The following CTNNA2 variants were observed in gnomAD, a reference collection of about 807,000 sequenced individuals.
CTNNA2 encodes the protein catenin alpha 2.
Under a neutral mutation model 101.0 loss-of-function variants are expected in CTNNA2, and 42 were observed. That is an observed-to-expected ratio of 0.42 (90% confidence interval 0.32 to 0.54). The LOEUF is 0.54. Among genes scored for constraint, CTNNA2 ranks in the 20% least tolerant of loss-of-function variants. The pLI, the probability that CTNNA2 is intolerant of heterozygous loss-of-function variation, is 0.14. For synonymous variants in CTNNA2, 450 were observed against 456.4 expected (o/e 0.99, Z 0.18); for missense variants, 871 against 1,223.1 (o/e 0.71, Z 4.29).
At chr2:80,083,972 G>T (rs1699300530) in intron 7 of CTNNA2, among the ~76,000 whole-genome samples, 1 of 152,050 alleles carries the variant, frequency 6.6e-6, no homozygotes, top group Non-Finnish European at 1.5e-5. Flanking sequence ...GTATCTTGAT[G>T]AGACAAGAGC....
chr2:79,376,076 G>T (rs1010728657), intron 4 of CTNNA2, among the ~76,000 whole-genome samples: 1 of 152,120 alleles, frequency 6.6e-6, no homozygotes, highest in East Asian at 1.9e-4. Context: ...GGCTCTTTTG[G>T]TTCAGGAGAA....
intron 1 of CTNNA2, among the ~76,000 whole-genome samples, chr2:79,594,782 A>G (rs550026558): frequency 2.0e-5 from 3 of 152,222 alleles, no homozygotes; most frequent in Admixed American, 6.5e-5. Context: ...AGTGAAATCT[A>G]TACTCTGAGC....
At chr2:79,955,491 T>C (rs1024970765) in intron 7 of CTNNA2, among the ~76,000 whole-genome samples, 1 of 152,146 alleles carries the variant, frequency 6.6e-6, no homozygotes, top group Admixed American at 6.5e-5. Flanking sequence ...GAAATGCAGC[T>C]ATCTGACCCT....
intron 7 of CTNNA2, among the ~76,000 whole-genome samples, chr2:79,938,186 C>T (rs1687916849): frequency 6.6e-6 from 1 of 152,198 alleles, no homozygotes; most frequent in Admixed American, 6.5e-5. Flanking sequence ...AGAACCAGCT[C>T]ACTGTCGCCT....
At chr2:80,140,201 A>G (rs1337297932) in intron 7 of CTNNA2, among the ~76,000 whole-genome samples, 4 of 152,194 alleles carry the variant, frequency 2.6e-5, no homozygotes, top group Admixed American at 2.6e-4. Flanking sequence ...AAAGTACCCA[A>G]TTTGAAAACC....
chr2:80,043,081 TTCTTTCTTTCTTTCTCTCTC>T (rs1458200395), intron 7 of CTNNA2, among the ~76,000 whole-genome samples: 9,538 of 43,234 alleles, frequency 0.22, 1,249 homozygotes, highest in Admixed American at 0.24. Context: ...CTTTCTTTCT[TTCTTTCTTTCTTTCTCTCTC>T]TCTCTCTCTC....
At chr2:80,476,549 T>C (rs1685745478) in intron 9 of CTNNA2, among the ~76,000 whole-genome samples, 1 of 152,200 alleles carries the variant, frequency 6.6e-6, no homozygotes, top group Non-Finnish European at 1.5e-5. Context: ...CTAAATTATT[T>C]ATGTGTATTG....
intron 1 of CTNNA2, among the ~76,000 whole-genome samples, chr2:79,563,983 C>T (rs1162703452): frequency 6.6e-6 from 1 of 152,092 alleles, no homozygotes; most frequent in Non-Finnish European, 1.5e-5. Flanking sequence ...GGATGCATTA[C>T]TGGAGCCTGG....
At chr2:79,366,214 T>A (rs1386462755) in intron 3 of CTNNA2, among the ~76,000 whole-genome samples, 1 of 152,032 alleles carries the variant, frequency 6.6e-6, no homozygotes, top group African/African-American at 2.4e-5. Context: ...CTATGCAGAG[T>A]GAGGACAAGA....
At chr2:80,491,218 G>C (rs1030081029) in intron 9 of CTNNA2, among the ~76,000 whole-genome samples, 3 of 152,162 alleles carry the variant, frequency 2.0e-5, no homozygotes, top group African/African-American at 7.2e-5. Context: ...CAGTTTGATG[G>C]CTTCAGAGCA....
chr2:79,226,709 T>C (rs1483738782), intron 2 of CTNNA2, among the ~76,000 whole-genome samples: 1 of 152,162 alleles, frequency 6.6e-6, no homozygotes, highest in Non-Finnish European at 1.5e-5. Flanking sequence ...CAAATCCAAA[T>C]TGCCCTATTA....
At chr2:80,300,494 C>A (rs1676184750) in intron 7 of CTNNA2, among the ~76,000 whole-genome samples, 1 of 152,058 alleles carries the variant, frequency 6.6e-6, no homozygotes, top group Non-Finnish European at 1.5e-5. Flanking sequence ...TCTGGTGATA[C>A]CATTCTGCAT....
chr2:80,054,118 G>A lies in CTNNA2; in HGVS notation c.1056+144321G>A, dbSNP rs77176091. Among the ~76,000 whole-genome samples the A allele has an allele frequency of 5.2e-3, 792 of 152,278 alleles. 12 individuals carry two copies. The highest frequency in any genetic ancestry group is 0.018 in the African/African-American group (740 of 41,554). On this transcript the variant is annotated intron_variant, in intron 7 of 18. Coordinates refer to ENST00000402739, the MANE Select transcript of CTNNA2 (RefSeq NM_001282597.3). The stretch of plus-strand genomic sequence containing the variant: ...TAAAAAGTACCTATTCACTCTTTAC[G>A]TTGTATGCCACTGCTCAGTTTATGA...
intron 9 of CTNNA2, among the ~76,000 whole-genome samples, chr2:80,488,590 A>AATGAACAG (rs1686784174): frequency 1.3e-5 from 2 of 152,218 alleles, no homozygotes; most frequent in Admixed American, 1.3e-4. Context: ...GGACAAACAA[A>AATGAACAG]ATGAACAGGA....
intron 4 of CTNNA2, among the ~76,000 whole-genome samples, chr2:79,488,881 C>T (rs550292681): frequency 6.6e-6 from 1 of 152,306 alleles, no homozygotes; most frequent in Admixed American, 6.5e-5. Context: ...TAGCTCTTAA[C>T]AATTGTTTAT....
chr2:80,573,586 G>A (rs1558602803), intron 12 of CTNNA2, among the ~76,000 whole-genome samples: 1 of 152,100 alleles, frequency 6.6e-6, no homozygotes, highest in African/African-American at 2.4e-5. Context: ...AAAGTGGGAA[G>A]GGTTGTATCA....
chr2:80,211,039 C>T lies in CTNNA2; in HGVS notation c.1057-182172C>T, dbSNP rs1343083166. On this transcript the variant is annotated intron_variant, in intron 7 of 18. Coordinates refer to ENST00000402739, the MANE Select transcript of CTNNA2 (RefSeq NM_001282597.3). ...CTTTTGAGAAGTGTCTGTTCATATC[C>T]TTTGCCCACTTTTTGATGGGGTTGT... is the stretch of plus-strand genomic sequence containing the variant. 2.6e-5 allele frequency among the ~76,000 whole-genome samples: 4 copies of T among 152,118 alleles called. No homozygotes were observed. In the East Asian group the frequency reaches 5.8e-4, roughly 22 times the overall value.
At chr2:80,373,234 G>A (rs571547913) in intron 7 of CTNNA2, among the ~76,000 whole-genome samples, 1 of 152,198 alleles carries the variant, frequency 6.6e-6, no homozygotes, top group Admixed American at 6.5e-5. Flanking sequence ...TGGAGTGAAT[G>A]AATCAGGACC....
chr2:80,478,303 TGGC>T (rs1167600039), intron 9 of CTNNA2, among the ~76,000 whole-genome samples: 1 of 152,138 alleles, frequency 6.6e-6, no homozygotes, highest in Non-Finnish European at 1.5e-5. Context: ...AGTCCTTTGG[TGGC>T]GGCATAATTT....
Sources: allele counts gnomAD v4.1 joint callset (sites outside exome capture counted in the v4.1 genomes callset), GRCh38; gene constraint gnomAD v4.1.1; transcripts MANE v1.5; gene names NCBI Gene and HGNC (gene_info 2026-07-23, HGNC 2026-07-21).